TRPM7: variants seen among roughly 807,000 people sequenced by gnomAD.
The protein encoded by TRPM7 is transient receptor potential cation channel subfamily M member 7.
A neutral mutation model predicts 229.7 loss-of-function variants in TRPM7; 134 were observed. The ratio of observed to expected loss-of-function variants is 0.58; its 90% CI spans 0.51 to 0.67. The LOEUF is 0.67. Ranked by LOEUF, TRPM7 falls within the 30% of genes least tolerant of loss-of-function variation. TRPM7 has a pLI of 0.00. For missense variants in TRPM7, 1,901 were observed against 2,210.0 expected, an observed-to-expected ratio of 0.86 and a Z score of 2.80; for synonymous variants, 699 against 715.2, an observed-to-expected ratio of 0.98 and a Z score of 0.36.
At chr15:50,578,558 C>G in intron 31 of TRPM7, 81 bp downstream of exon 31, 2 of 1,387,884 alleles carry the variant, frequency 1.4e-6, no homozygotes, top group Non-Finnish European at 2.0e-6. Context: ...AAATATCTTA[C>G]CTAGAATAAT....
rs1415084414 is a variant in TRPM7, at chr15:50,559,875, T to C, written c.*1803A>G. ...TAAAAATATAAAAATTAGCTGGGCA[T>C]GGTGGCGTGTGCCTGTAGTCCCAGC... On this transcript the variant is annotated 3_prime_UTR_variant, in exon 39 of 39. Coordinates refer to ENST00000646667, the MANE Select transcript of TRPM7 (RefSeq NM_017672.6). 1 of 151,982 alleles carries C rather than the reference T, an allele frequency of 6.6e-6. No individual in the cohort carries two copies. The allele number at this position is 151,982 out of a possible 1,614,324, so 9.4% of individuals were successfully genotyped here.
At chr15:50,578,918 T>A (rs2140294015) in intron 30 of TRPM7, among the ~76,000 whole-genome samples, 1 of 151,848 alleles carries the variant, frequency 6.6e-6, no homozygotes, top group Admixed American at 6.6e-5. Context: ...ATAAATATTA[T>A]TAGCAGTTTG....
chr15:50,637,363 T>C (rs914100588), intron 7 of TRPM7, 59 bp downstream of exon 7: 4 of 1,475,928 alleles, frequency 2.7e-6, no homozygotes, highest in African/African-American at 1.4e-5. Flanking sequence ...TTCTTTGAAT[T>C]TGGCTATTAG....
intron 3 of TRPM7, among the ~76,000 whole-genome samples, chr15:50,651,444 G>C (rs2061417505): frequency 6.6e-6 from 1 of 151,716 alleles, no homozygotes; most frequent in Admixed American, 6.6e-5. Context: ...AGGAGATCGA[G>C]ACCATCCTGG....
intron 1 of TRPM7, among the ~76,000 whole-genome samples, chr15:50,671,783 C>T (rs1567120274): frequency 6.6e-6 from 1 of 151,978 alleles, no homozygotes; most frequent in African/African-American, 2.4e-5. Flanking sequence ...ACACTCCAGC[C>T]TGGGTGAGAG....
chr15:50,653,240 G>A (rs566966026), intron 3 of TRPM7, among the ~76,000 whole-genome samples: 7 of 152,146 alleles, frequency 4.6e-5, no homozygotes, highest in South Asian at 2.1e-4. Flanking sequence ...AGCTTGAGCC[G>A]AGGACTTCAA....
At chr15:50,685,398 A>T (rs1181190811) in intron 1 of TRPM7, among the ~76,000 whole-genome samples, 4 of 152,254 alleles carry the variant, frequency 2.6e-5, no homozygotes, top group Non-Finnish European at 4.4e-5. Flanking sequence ...CGGATGTTGC[A>T]GTGAGCGGAG....
intron 1 of TRPM7, among the ~76,000 whole-genome samples, chr15:50,664,143 C>G (rs914874557): frequency 6.6e-6 from 1 of 151,478 alleles, no homozygotes; most frequent in Non-Finnish European, 1.5e-5. Context: ...ACTAAAAATA[C>G]AAAAATTAGC....
chr15:50,622,389 A>T (rs1210640337), intron 12 of TRPM7, among the ~76,000 whole-genome samples: 5 of 152,246 alleles, frequency 3.3e-5, no homozygotes, highest in Non-Finnish European at 7.3e-5. Flanking sequence ...GTATTATCTT[A>T]ACACCTTTGA....
At chr15:50,563,144 T>C (rs1326058597) in intron 38 of TRPM7, among the ~76,000 whole-genome samples, 2 of 152,220 alleles carry the variant, frequency 1.3e-5, no homozygotes, top group Non-Finnish European at 2.9e-5. Flanking sequence ...TGTTGCCTGT[T>C]TTTGTAAGTA....
chr15:50,592,560 T>C lies in TRPM7; in HGVS notation c.3675A>G (p.Leu1225=). The C allele has an allele frequency of 6.2e-7, 1 of 1,611,208 alleles. No individual in the cohort carries two copies. The highest frequency in any genetic ancestry group is 8.5e-7 in the Non-Finnish European group (1 of 1,179,956). ...GGCCAATTTGAGAATCTAATGATTG[T>C]AATGATCTTTTTATGTAGTTGACAC... The part of the protein sequence containing the change: ...GDRVNYIKRS[L]QSLDSQIGHL... The change falls in exon 26 of 39, where the codon TTA becomes TTG. Residue 1225 remains leucine (L), a synonymous_variant. Coordinates refer to ENST00000646667, the MANE Select transcript of TRPM7 (RefSeq NM_017672.6).
intron 11 of TRPM7, among the ~76,000 whole-genome samples, chr15:50,624,985 C>T (rs2060514630): frequency 6.6e-6 from 1 of 152,112 alleles, no homozygotes; most frequent in Admixed American, 6.6e-5. Context: ...CAACTTATGT[C>T]CTTTGTGCTT....
intron 1 of TRPM7, among the ~76,000 whole-genome samples, chr15:50,683,155 T>A (rs1460965302): frequency 6.6e-6 from 1 of 151,768 alleles, no homozygotes; most frequent in South Asian, 2.1e-4. Context: ...CTCAAAGTGC[T>A]AGGATTACAA....
In TRPM7 at chr15:50,639,559, A is replaced by G; in HGVS notation, c.536-11T>C. On this transcript the variant is annotated splice_polypyrimidine_tract_variant and intron_variant, in intron 5 of 38. Transcript: ENST00000646667. ...CATGTTTTGCCACACCTGTTCATAA[A>G]AAAAGTTTATTCATTTTGTTTTTTT... 6.3e-7 allele frequency: 1 copy of G among 1,597,894 alleles called. No individual in the cohort carries two copies. The highest frequency in any genetic ancestry group is 8.5e-7 in the Non-Finnish European group (1 of 1,173,760).
intron 7 of TRPM7, among the ~76,000 whole-genome samples, chr15:50,635,214 G>A (rs1298002444): frequency 6.7e-6 from 1 of 150,260 alleles, no homozygotes; most frequent in Middle Eastern, 3.2e-3. Flanking sequence ...CTACTCAGGA[G>A]GGCTGAGGCA....
chr15:50,562,735 T>C (rs967559923), intron 38 of TRPM7, among the ~76,000 whole-genome samples: 12 of 150,728 alleles, frequency 8.0e-5, no homozygotes, highest in African/African-American at 2.9e-4. Context: ...ATCATGCCAC[T>C]GTACTTCAAC....
intron 13 of TRPM7, among the ~76,000 whole-genome samples, chr15:50,618,147 T>TA (rs1474633999): frequency 6.6e-6 from 1 of 152,140 alleles, no homozygotes; most frequent in East Asian, 1.9e-4. Context: ...AAAGTGGTGA[T>TA]AAACGTTTAA....
intron 1 of TRPM7, among the ~76,000 whole-genome samples, chr15:50,681,264 T>TACACACACACACACAC (rs72070923): frequency 0.03 from 4,459 of 146,946 alleles, 110 homozygotes; most frequent in African/African-American, 0.057. Context: ...AATAAATAAA[T>TACACACACACACACAC]ACACACACAC....
At chr15:50,599,671 T>C (rs2059724369) in intron 21 of TRPM7, 1 of 156,164 alleles carries the variant, frequency 6.4e-6, no homozygotes, top group South Asian at 2.0e-4. Flanking sequence ...AAAGCTTCTC[T>C]GTTCTTATAA....
Sources: allele counts gnomAD v4.1 joint callset (sites outside exome capture counted in the v4.1 genomes callset), GRCh38; gene constraint gnomAD v4.1.1; transcripts MANE v1.5; gene names NCBI Gene and HGNC (gene_info 2026-07-23, HGNC 2026-07-21).